The following P2RX4 variants were observed in gnomAD, a reference collection of about 807,000 sequenced individuals.
P2RX4 encodes purinergic receptor P2X 4, also known as P2X purinoceptor 4.
P2RX4 carries 37 observed loss-of-function variants against 48.0 expected under a neutral mutation model. The observed-to-expected ratio is 0.77, with a 90% CI of 0.59 to 1.01. The LOEUF (loss-of-function observed/expected upper bound fraction) is 1.01, where lower values mean the gene tolerates loss of function less well. Among genes scored for constraint, P2RX4 ranks in the 50% least tolerant of loss-of-function variants. P2RX4 has a pLI of 0.00. For synonymous variants in P2RX4, 200 were observed against 199.7 expected (o/e 1.00, Z -0.01); for missense variants, 501 against 521.4 (o/e 0.96, Z 0.38).
Position 121,232,786 on chromosome 12 carries a change from C to T in P2RX4, c.1044+110C>T. ...CTCAGATGTGTTTCTAAACTTGACCCTCCTACCTTCTTTCCCTTGGCCCCC... is the reference window on the plus strand; with the variant it reads ...CTCAGATGTGTTTCTAAACTTGACCTTCCTACCTTCTTTCCCTTGGCCCCC... On this transcript the variant is annotated intron_variant, in intron 10 of 11. Transcript: ENST00000337233. This position sits in a 1 kb window ranked among gnomAD's most constrained non-coding sequence, Gnocchi z 4.3. 1 of 1,006,178 alleles carries T rather than the reference C, an allele frequency of 9.9e-7. No homozygotes were observed. Among genetic ancestry groups the T allele is most frequent in the Non-Finnish European group, 1.6e-6 (1 of 638,040 alleles). The allele number at this position is 1,006,178 out of a possible 1,614,324, so 62.3% of individuals were successfully genotyped here.
intron 5 of P2RX4, chr12:121,223,245 T>G (rs1886761955): frequency 1.8e-6 from 1 of 547,520 alleles, no homozygotes; most frequent in Non-Finnish European, 3.3e-6. Flanking sequence ...CAACTAATTT[T>G]TTGTATTTTT....
In P2RX4 at chr12:121,229,727, A is replaced by G. The variant is rs539282962; in HGVS notation, c.884+628A>G. ...CATCAGCAGGGCTGTGCTCGCTCTG[A>G]AGGCTCTGGAGAGAGTCCTTACTTG... On this transcript the variant is annotated intron_variant, in intron 8 of 11. Transcript: ENST00000337233. This position sits in a 1 kb window ranked among gnomAD's most constrained non-coding sequence, Gnocchi z 4.6. 1.3e-5 allele frequency among the ~76,000 whole-genome samples: 2 copies of G among 152,154 alleles called. No individual in the cohort carries two copies. The highest frequency in any genetic ancestry group is 2.1e-4 in the South Asian group (1 of 4,806).
Position 121,229,909 on chromosome 12 carries a change from C to T in P2RX4, c.884+810C>T, listed in dbSNP as rs763870248. Among the ~76,000 whole-genome samples, 47 of 152,180 alleles carry T rather than the reference C, an allele frequency of 3.1e-4. No individual in the cohort carries two copies. The highest frequency in any genetic ancestry group is 5.9e-4 in the Non-Finnish European group (40 of 68,042). On this transcript the variant is annotated intron_variant, in intron 8 of 11. Transcript: ENST00000337233. This position sits in a 1 kb window ranked among gnomAD's most constrained non-coding sequence, Gnocchi z 4.6. Reference sequence around the variant, plus strand: ...GTCACTGAATTTAGGGCCCACCCTACTCTAGTATGACCTCATCTTAACAAA... The same window carrying T: ...GTCACTGAATTTAGGGCCCACCCTATTCTAGTATGACCTCATCTTAACAAA...
intron 2 of P2RX4, among the ~76,000 whole-genome samples, chr12:121,220,375 C>T (rs990644726): frequency 1.3e-5 from 2 of 152,026 alleles, no homozygotes; most frequent in Non-Finnish European, 2.9e-5. Flanking sequence ...GTGGCTCATG[C>T]TTGTAATCCC....
In P2RX4 at chr12:121,232,420, C is replaced by G; in HGVS notation, c.891C>G (p.Ala297=). Reference sequence around the variant, plus strand: ...CCATCCTCCTTCCCCTCAGGTTTGCCAAGTACTACAGAGACCTGGCTGGCA... The same window carrying G: ...CCATCCTCCTTCCCCTCAGGTTTGCGAAGTACTACAGAGACCTGGCTGGCA... ...NVSPGYNFRF[A]KYYRDLAGNE... The change falls in exon 9 of 12, where the codon GCC becomes GCG. Residue 297 remains alanine, a synonymous_variant. Transcript: ENST00000337233. This position sits in a 1 kb window ranked among gnomAD's most constrained non-coding sequence, Gnocchi z 4.3. The G allele has an allele frequency of 1.2e-6, 2 of 1,612,950 alleles. No homozygotes were observed. The highest frequency in any genetic ancestry group is 1.7e-6 in the Non-Finnish European group (2 of 1,179,008).
intron 1 of P2RX4, 140 bp downstream of exon 1, chr12:121,210,438 C>T: frequency 1.2e-6 from 1 of 826,570 alleles, no homozygotes; most frequent in Non-Finnish European, 1.6e-6. Context: ...GGGCCCCAGC[C>T]GCCGCGCCGG....
In P2RX4 at chr12:121,233,628, A is replaced by T. The variant is rs896465676; in HGVS notation, c.*79A>T. 3.2e-6 allele frequency: 5 copies of T among 1,559,944 alleles called. No individual in the cohort carries two copies. Among genetic ancestry groups the T allele is most frequent in the Non-Finnish European group, 4.3e-6 (5 of 1,151,162 alleles). On this transcript the variant is annotated 3_prime_UTR_variant, in exon 12 of 12. Transcript: ENST00000337233. ...AGGAGGGAGAAATGGCCACCACATCACCCCAGAGAAATTTCTGGAATCTGA... is the reference window on the plus strand; with the variant it reads ...AGGAGGGAGAAATGGCCACCACATCTCCCCAGAGAAATTTCTGGAATCTGA...
At chr12:121,225,279 G>A (rs1026827716) in intron 5 of P2RX4, among the ~76,000 whole-genome samples, 10 of 151,884 alleles carry the variant, frequency 6.6e-5, no homozygotes, top group African/African-American at 2.2e-4. Context: ...TCACCATGTT[G>A]GCCAGGCTGG....
At chr12:121,221,156 CTGTG>C (rs1359612402) in intron 2 of P2RX4, among the ~76,000 whole-genome samples, 2 of 112,336 alleles carry the variant, frequency 1.8e-5, no homozygotes, top group African/African-American at 3.1e-5. Context: ...GTGCGTGTGT[CTGTG>C]TGTGTTTGTG....
At position 121,232,629 on chromosome 12, in the gene P2RX4, A is replaced by T; in HGVS notation, c.997A>T (p.Ile333Phe). Residue 333 changes from isoleucine to phenylalanine, a missense_variant, in exon 10 of 12, where the codon ATC becomes TTC. Ile to Phe is a conservative substitution (Grantham distance 21). Transcript: ENST00000337233. The surrounding 1 kb of genome is among the most constrained non-coding windows in gnomAD (Gnocchi z 4.3). ...VFGKAGKFDIIPTMINIGSGL... is the reference protein window; with the variant it reads ...VFGKAGKFDIFPTMINIGSGL... ...TTGGCAGGCAGGGAAATTTGACATC[A>T]TCCCCACTATGATCAACATCGGCTC... 1.2e-6 allele frequency: 2 copies of T among 1,613,896 alleles called. No homozygotes were observed. The highest frequency in any genetic ancestry group is 1.7e-6 in the Non-Finnish European group (2 of 1,179,868).
At chr12:121,221,265 G>T (rs900208572) in intron 2 of P2RX4, among the ~76,000 whole-genome samples, 1 of 151,854 alleles carries the variant, frequency 6.6e-6, no homozygotes, top group African/African-American at 2.4e-5. Context: ...TGATCCTCCT[G>T]CCTCAGCCTC....
At chr12:121,226,434 T>A (rs1171462259) in intron 5 of P2RX4, among the ~76,000 whole-genome samples, 2 of 151,662 alleles carry the variant, frequency 1.3e-5, no homozygotes, top group African/African-American at 4.8e-5. Context: ...ATCCCACTAC[T>A]CAGGAGGCTG....
intron 8 of P2RX4, among the ~76,000 whole-genome samples, chr12:121,230,098 G>A (rs1887241865): frequency 6.6e-6 from 1 of 152,126 alleles, no homozygotes; most frequent in South Asian, 2.1e-4. Flanking sequence ...ATTTTTCACA[G>A]TCCTTAAAAA....
chr12:121,213,270 A>G (rs1886008648), intron 1 of P2RX4: 1 of 152,158 alleles, frequency 6.6e-6, no homozygotes. Flanking sequence ...CTACAAAAAA[A>G]TACAAAAATT....
rs1320733940 is a variant in P2RX4 at position 121,233,005 on chromosome 12, G to A, written c.1053G>A (p.Val351=). ...SGLALLGMAT[V]LCDIIVLYCM... is the part of the protein sequence containing the mutation. ...CCCTATGCTAAACTCAGGCGACCGT[G>A]CTGTGTGACATCATAGTCCTCTACT... Residue 351 remains valine (V), a synonymous_variant, in exon 11 of 12, where the codon GTG becomes GTA. Transcript: ENST00000337233. 6 of 1,612,514 alleles carry A rather than the reference G, an allele frequency of 3.7e-6. No individual in the cohort carries two copies. Among genetic ancestry groups the A allele is most frequent in the South Asian group, 1.1e-5 (1 of 91,072 alleles).
rs766345753 is a variant in P2RX4 at position 121,232,519 on chromosome 12, C to T, written c.978+12C>T. 3.1e-6 allele frequency: 5 copies of T among 1,611,788 alleles called. No individual in the cohort carries two copies. The South Asian group carries it at 3.3e-5, about 11-fold the overall frequency. On this transcript the variant is annotated intron_variant, in intron 9 of 11. Coordinates refer to ENST00000337233, the MANE Select transcript of P2RX4 (RefSeq NM_002560.3). The surrounding 1 kb of genome is among the most constrained non-coding windows in gnomAD (Gnocchi z 4.3). ...TTGTGTTTGGGAAGGTAGCTCGCCG[C>T]CACTGGCTCCCCTCCGTCACTCCCT...
chr12:121,218,834 A>T (rs1026782769), intron 2 of P2RX4, among the ~76,000 whole-genome samples: 1 of 152,082 alleles, frequency 6.6e-6, no homozygotes, highest in African/African-American at 2.4e-5. Context: ...TCATCTCCAG[A>T]CTGAAATTAC....
intron 5 of P2RX4, among the ~76,000 whole-genome samples, chr12:121,227,176 TCAGCTCTCCTCCGAGTG>T (rs1887029725): frequency 6.6e-6 from 1 of 151,360 alleles, no homozygotes; most frequent in African/African-American, 2.4e-5. Flanking sequence ...GGTGACAGGC[TCAGCTCTCCTCCGAGTG>T]CAGCCCTGTC....
intron 1 of P2RX4, chr12:121,214,545 G>A (rs1346952772): frequency 6.6e-6 from 1 of 152,192 alleles, no homozygotes; most frequent in Non-Finnish European, 1.5e-5. Flanking sequence ...TGAGTGGCAT[G>A]AAACCCTGTG....
Sources: gnomAD v4.1 joint callset for allele counts (sites outside exome capture counted in the v4.1 genomes callset) on GRCh38, gnomAD v4.1.1 for gene constraint, Gnocchi (gnomAD v3.1) non-coding constraint, MANE v1.5 for transcripts, NCBI Gene and HGNC (gene_info 2026-07-23, HGNC 2026-07-21) for gene names.